Variants in NSDHL observed in about 807,000 individuals in gnomAD.
NSDHL encodes NAD(P) dependent 3-beta-hydroxysteroid dehydrogenase NSDHL, also known as sterol-4-alpha-carboxylate 3-dehydrogenase, decarboxylating.
A neutral mutation model predicts 23.0 loss-of-function variants in NSDHL; 1 was observed. The ratio of observed to expected loss-of-function variants is 0.04; its 90% confidence interval spans 0.02 to 0.21. The LOEUF (loss-of-function observed/expected upper bound fraction) is 0.21, where lower values mean the gene tolerates loss of function less well. Among genes scored for constraint, NSDHL ranks in the 10% least tolerant of loss-of-function variants. NSDHL has a pLI of 1.00. For missense variants in NSDHL, 237 were observed against 300.9 expected (o/e 0.79, Z 1.57); for synonymous variants, 128 against 121.1 (o/e 1.06, Z -0.37).
At chrX:152,846,193 C>CG (rs1933270554) in intron 1 of NSDHL, 89 bp from the exon 2 acceptor site, 5 of 546,207 alleles carry the variant, frequency 9.2e-6, no homozygotes, top group Middle Eastern at 6.7e-4. Flanking sequence ...AAAACATGAA[C>CG]GGGGGGATGG....
At position 152,865,867 on chromosome X, in the gene NSDHL, A is replaced by C. The variant is rs143684465; in HGVS notation, c.592A>C (p.Ile198Leu). Residue 198 changes from isoleucine to leucine, a missense_variant, in exon 6 of 8, where the codon ATC becomes CTC. Coordinates refer to ENST00000370274, the MANE Select transcript of NSDHL (RefSeq NM_015922.3). ...TGAGAAGAATTTCTTAACCACAGCC[A>C]TCCGCCCTCATGGCATTTTCGGCCC... is the stretch of plus-strand genomic sequence containing the variant. ...DPEKNFLTTA[I>L]RPHGIFGPRD... is the part of the protein sequence containing the mutation. 2.6e-5 allele frequency: 32 copies of C among 1,211,271 alleles called. No individual in the cohort carries two copies. In the African/African-American group the frequency reaches 5.4e-4, roughly 20 times the overall value.
At chrX:152,857,559 A>G (rs1556847069) in intron 3 of NSDHL, among the ~76,000 whole-genome samples, 1 of 112,035 alleles carries the variant, frequency 8.9e-6, no homozygotes, top group Non-Finnish European at 1.9e-5. Flanking sequence ...AAGACAGAAA[A>G]GACGGGAATT....
chrX:152,865,404 G>A (rs1428594827), intron 5 of NSDHL, among the ~76,000 whole-genome samples: 2 of 112,699 alleles, frequency 1.8e-5, no homozygotes, highest in African/African-American at 6.5e-5. Flanking sequence ...GGAAACGTGG[G>A]CGGCACATGC....
intron 1 of NSDHL, among the ~76,000 whole-genome samples, chrX:152,841,384 G>GT (rs1933189917): frequency 8.9e-6 from 1 of 112,346 alleles, no homozygotes; most frequent in African/African-American, 3.2e-5. Flanking sequence ...CCCATCTTCT[G>GT]TGTCGATCAC....
At chrX:152,834,085 G>A (rs1933055520) in intron 1 of NSDHL, among the ~76,000 whole-genome samples, 1 of 112,363 alleles carries the variant, frequency 8.9e-6, no homozygotes, top group Non-Finnish European at 1.9e-5. Context: ...TCCATTCCAG[G>A]CTGTCTGCTG....
chrX:152,832,799 C>T (rs1249062167), intron 1 of NSDHL, among the ~76,000 whole-genome samples: 3 of 112,105 alleles, frequency 2.7e-5, no homozygotes, highest in Non-Finnish European at 3.8e-5. Flanking sequence ...GTACTGTCTA[C>T]CTGATGGGAT....
chrX:152,846,366 A>T lies in NSDHL; in HGVS notation c.42A>T (p.Ala14=), dbSNP rs372855695. ...GCGAGCCAATGAGAGACCAAGTCGCACGGACTCATTTGACAGAGGACACTC... is the reference window on the plus strand; with the variant it reads ...GCGAGCCAATGAGAGACCAAGTCGCTCGGACTCATTTGACAGAGGACACTC... ...AVSEPMRDQV[A]RTHLTEDTPK... The change falls in exon 2 of 8, where the codon GCA becomes GCT. Residue 14 remains alanine (A), a synonymous_variant. Transcript: ENST00000370274. 1 of 1,211,421 alleles carries T rather than the reference A, an allele frequency of 8.3e-7. No homozygotes were observed.
At chrX:152,860,629 G>A (rs1454152768) in intron 4 of NSDHL, among the ~76,000 whole-genome samples, 2 of 110,713 alleles carry the variant, frequency 1.8e-5, no homozygotes, top group Admixed American at 9.6e-5. Context: ...CAGGAGGATC[G>A]CTTGAGCCCA....
At position 152,856,122 on chromosome X, in the gene NSDHL, T is replaced by C. The variant is rs1933441358; in HGVS notation, c.268-2648T>C. The stretch of plus-strand genomic sequence containing the variant: ...CTGGGTTTTGCCGATTACATCCCCA[T>C]TGCGTTTAACATGCCCTTCTGTCCT... On this transcript the variant is annotated intron_variant, in intron 3 of 7. Coordinates refer to ENST00000370274, the MANE Select transcript of NSDHL (RefSeq NM_015922.3). 2.7e-5 allele frequency among the ~76,000 whole-genome samples: 3 copies of C among 111,855 alleles called. 1 individual carries two copies. In the Admixed American group the frequency reaches 2.9e-4, roughly 11 times the overall value.
chrX:152,834,805 G>A (rs1933066284), intron 1 of NSDHL, among the ~76,000 whole-genome samples: 1 of 112,401 alleles, frequency 8.9e-6, no homozygotes, highest in Non-Finnish European at 1.9e-5. Flanking sequence ...AAAGTTCTAA[G>A]AAACATTACT....
intron 1 of NSDHL, among the ~76,000 whole-genome samples, chrX:152,845,728 TCTC>T (rs1473144668): frequency 9.0e-6 from 1 of 111,480 alleles, no homozygotes; most frequent in Non-Finnish European, 1.9e-5. Flanking sequence ...GAGAGCTCCG[TCTC>T]CTATTGCACT....
chrX:152,859,599 G>A (rs1212516021), intron 4 of NSDHL, among the ~76,000 whole-genome samples: 1 of 112,266 alleles, frequency 8.9e-6, no homozygotes, highest in Non-Finnish European at 1.9e-5. Flanking sequence ...TGTATGGATG[G>A]GCCACATTTT....
chrX:152,839,732 T>A (rs1182179639), intron 1 of NSDHL, among the ~76,000 whole-genome samples: 2 of 112,635 alleles, frequency 1.8e-5, no homozygotes, highest in African/African-American at 6.5e-5. Context: ...GCCCTTTACA[T>A]TTTTTCCTTC....
At chrX:152,862,746 G>T in intron 5 of NSDHL, 22 bp downstream of exon 5, 4 of 1,197,668 alleles carry the variant, frequency 3.3e-6, no homozygotes, top group Non-Finnish European at 4.5e-6. Flanking sequence ...GGAACTGGTT[G>T]AGTGAGCAGA....
intron 1 of NSDHL, among the ~76,000 whole-genome samples, chrX:152,840,891 C>T (rs782207424): frequency 5.3e-5 from 6 of 113,403 alleles, no homozygotes; most frequent in Admixed American, 2.8e-4. Context: ...GCCTTTTGTT[C>T]AGCTATGCCA....
chrX:152,865,145 C>T (rs1556847919), intron 5 of NSDHL, among the ~76,000 whole-genome samples: 2 of 112,676 alleles, frequency 1.8e-5, no homozygotes, highest in African/African-American at 6.5e-5. Flanking sequence ...TCTAGTTTGT[C>T]CATGAAGTCA....
intron 1 of NSDHL, among the ~76,000 whole-genome samples, chrX:152,833,279 T>A (rs1365431592): frequency 1.2e-5 from 1 of 80,028 alleles, no homozygotes; most frequent in Non-Finnish European, 2.5e-5. Flanking sequence ...ACTTCGGGGC[T>A]CCGTGCCCCT....
In NSDHL at chrX:152,839,276, T is replaced by C. The variant is rs1265456133; in HGVS notation, c.-43-7006T>C. Among the ~76,000 whole-genome samples the C allele has an allele frequency of 2.7e-5, 3 of 112,474 alleles. No homozygotes were observed. In the South Asian group the frequency reaches 1.1e-3, roughly 42 times the overall value. ...CAATTTGTCAGTCTGTGTCTTTTAA[T>C]TGGGGCATTTAGCCCATTTACATTT... is the stretch of plus-strand genomic sequence containing the variant. On this transcript the variant is annotated intron_variant, in intron 1 of 7. Coordinates refer to ENST00000370274, the MANE Select transcript of NSDHL (RefSeq NM_015922.3).
At position 152,850,166 on chromosome X, in the gene NSDHL, A is replaced by G. The variant is rs1473334268; in HGVS notation, c.109-99A>G. 1.5e-5 allele frequency: 13 copies of G among 870,624 alleles called. No individual in the cohort carries two copies. The East Asian group carries it at 2.5e-4, about 17-fold the overall frequency. 71.7% of individuals were successfully genotyped at this position (870,624 alleles called of 1,213,427 possible). On this transcript the variant is annotated intron_variant, in intron 2 of 7. Coordinates refer to ENST00000370274, the MANE Select transcript of NSDHL (RefSeq NM_015922.3). Reference sequence around the variant, plus strand: ...CAAGAAGAGTTCCAAACAAACAAGTATATCTGCCATTGCAGTGGCTCATGA... The same window carrying G: ...CAAGAAGAGTTCCAAACAAACAAGTGTATCTGCCATTGCAGTGGCTCATGA...
Sources: gnomAD v4.1 joint callset for allele counts (sites outside exome capture counted in the v4.1 genomes callset) on GRCh38, gnomAD v4.1.1 for gene constraint, MANE v1.5 for transcripts, NCBI Gene and HGNC (gene_info 2026-07-23, HGNC 2026-07-21) for gene names.